Variants in RBFOX1 observed in about 807,000 individuals in gnomAD.
RBFOX1 encodes the protein RNA binding protein fox-1 homolog 1.
A neutral mutation model predicts 57.7 loss-of-function variants in RBFOX1; 8 were observed. The ratio of observed to expected loss-of-function variants is 0.14; its 90% CI spans 0.08 to 0.25. The LOEUF is 0.25. Among genes scored for constraint, RBFOX1 ranks in the 10% least tolerant of loss-of-function variants. RBFOX1 has a pLI of 1.00. For missense variants in RBFOX1, 611 were observed against 548.5 expected (o/e 1.11, Z -1.14); for synonymous variants, 326 against 222.4 (o/e 1.47, Z -4.15).
intron 4 of RBFOX1, among the ~76,000 whole-genome samples, chr16:7,085,021 C>G (rs929571526): frequency 6.6e-6 from 1 of 152,102 alleles, no homozygotes; most frequent in Non-Finnish European, 1.5e-5. Context: ...ATGTCAGTGT[C>G]TTACTCAGAA....
At chr16:7,652,630 ACTC>A (rs1170786888) in intron 11 of RBFOX1, among the ~76,000 whole-genome samples, 1 of 151,924 alleles carries the variant, frequency 6.6e-6, no homozygotes. Flanking sequence ...CTGGTCTCGA[ACTC>A]CTGACCTCAT....
At chr16:6,035,455 A>G (rs1301313722) in intron 1 of RBFOX1, among the ~76,000 whole-genome samples, 1 of 152,164 alleles carries the variant, frequency 6.6e-6, no homozygotes. Flanking sequence ...GCCCAACAAG[A>G]CTTTGTCTTT....
chr16:5,559,165 C>CAAAA (rs35531242), intron 2 of RBFOX1, among the ~76,000 whole-genome samples: 19 of 65,366 alleles, frequency 2.9e-4, no homozygotes, highest in East Asian at 4.4e-4. Context: ...CCCCCCCAGG[C>CAAAA]AAAAAAAAAA....
At chr16:7,017,049 CT>C (rs1184790959) in intron 3 of RBFOX1, among the ~76,000 whole-genome samples, 1 of 152,076 alleles carries the variant, frequency 6.6e-6, no homozygotes, top group East Asian at 1.9e-4. Flanking sequence ...GCCTCTTTCT[CT>C]TTTTTTATTG....
chr16:7,524,831 C>G (rs2152301500), intron 5 of RBFOX1, among the ~76,000 whole-genome samples: 1 of 152,262 alleles, frequency 6.6e-6, no homozygotes, highest in Middle Eastern at 3.4e-3. Flanking sequence ...CTTTCCATGC[C>G]AGTTCTGATT....
chr16:7,602,369 C>T lies in RBFOX1; in HGVS notation c.623-4916C>T, dbSNP rs2095072618. 2.0e-5 allele frequency among the ~76,000 whole-genome samples: 3 copies of T among 152,086 alleles called. No individual in the cohort carries two copies. The South Asian group carries it at 6.2e-4, about 32-fold the overall frequency. On this transcript the variant is annotated intron_variant, in intron 9 of 15. Coordinates refer to ENST00000550418, the MANE Select transcript of RBFOX1 (RefSeq NM_018723.4). Reference sequence around the variant, plus strand: ...AGACGTCTGTTCTCTGGCTCCATTGCCTTGTTGTGGGGCTGGGGGGGCCCT... The same window carrying T: ...AGACGTCTGTTCTCTGGCTCCATTGTCTTGTTGTGGGGCTGGGGGGGCCCT...
At chr16:5,631,632 C>T (rs74004438) in intron 3 of RBFOX1, among the ~76,000 whole-genome samples, 2 of 152,054 alleles carry the variant, frequency 1.3e-5, no homozygotes, top group Non-Finnish European at 2.9e-5. Flanking sequence ...ATTGCAGACT[C>T]CTTTGCCCTT....
chr16:6,592,933 C>T (rs1167007406), intron 2 of RBFOX1, among the ~76,000 whole-genome samples: 1 of 152,112 alleles, frequency 6.6e-6, no homozygotes. Context: ...TGGCTCATGC[C>T]TGTAATCCCA....
chr16:7,702,008 G>T (rs539100960), intron 14 of RBFOX1, among the ~76,000 whole-genome samples: 14 of 152,140 alleles, frequency 9.2e-5, no homozygotes, highest in African/African-American at 3.4e-4. Flanking sequence ...GGCACCTGTT[G>T]TCTCTCCATG....
At chr16:5,840,235 G>C (rs986975965) in intron 3 of RBFOX1, among the ~76,000 whole-genome samples, 1 of 152,182 alleles carries the variant, frequency 6.6e-6, no homozygotes, top group Non-Finnish European at 1.5e-5. Flanking sequence ...CTCAGTCTCA[G>C]CCTTATCTTG....
intron 3 of RBFOX1, among the ~76,000 whole-genome samples, chr16:6,809,940 G>A (rs924754509): frequency 4.6e-5 from 7 of 151,752 alleles, no homozygotes; most frequent in Non-Finnish European, 7.4e-5. Context: ...GAGCCTACCC[G>A]CTTGTCCTGA....
At chr16:7,191,188 C>T (rs1009092907) in intron 4 of RBFOX1, among the ~76,000 whole-genome samples, 2 of 152,114 alleles carry the variant, frequency 1.3e-5, no homozygotes, top group Non-Finnish European at 2.9e-5. Flanking sequence ...CTTTCAACCC[C>T]TCTCATTTTT....
intron 4 of RBFOX1, among the ~76,000 whole-genome samples, chr16:7,225,198 A>C (rs2093015447): frequency 1.3e-5 from 2 of 152,166 alleles, no homozygotes; most frequent in African/African-American, 4.8e-5. Context: ...TTGTAAGTGC[A>C]CGTGATCTCC....
chr16:6,760,856 C>A (rs1056745059), intron 3 of RBFOX1, among the ~76,000 whole-genome samples: 1 of 152,110 alleles, frequency 6.6e-6, no homozygotes, highest in African/African-American at 2.4e-5. Flanking sequence ...AGTGGCGCTG[C>A]CTCTGGTCAA....
intron 5 of RBFOX1, among the ~76,000 whole-genome samples, chr16:7,521,174 C>A (rs1427721487): frequency 6.6e-6 from 1 of 152,124 alleles, no homozygotes; most frequent in Non-Finnish European, 1.5e-5. Context: ...GAGGGAATAC[C>A]ACAGTCAGAG....
intron 1 of RBFOX1, among the ~76,000 whole-genome samples, chr16:5,401,741 T>TTC (rs891696493): frequency 4.5e-5 from 6 of 132,104 alleles, no homozygotes; most frequent in South Asian, 2.3e-4. Context: ...CTGTCTCTTT[T>TTC]TCTCTCTCTC....
At chr16:6,231,315 G>C (rs1462673533) in intron 1 of RBFOX1, among the ~76,000 whole-genome samples, 1 of 151,562 alleles carries the variant, frequency 6.6e-6, no homozygotes, top group Non-Finnish European at 1.5e-5. Flanking sequence ...TATGTTGAAA[G>C]ATGAAGGTTA....
intron 2 of RBFOX1, among the ~76,000 whole-genome samples, chr16:5,520,630 TA>T (rs1454474037): frequency 6.6e-6 from 1 of 152,224 alleles, no homozygotes; most frequent in African/African-American, 2.4e-5. Flanking sequence ...TGGTAGATTA[TA>T]TTCTTGATCA....
At chr16:5,913,048 C>A (rs1056082950) in intron 4 of RBFOX1, among the ~76,000 whole-genome samples, 1 of 152,164 alleles carries the variant, frequency 6.6e-6, no homozygotes, top group African/African-American at 2.4e-5. Context: ...CATTGCCAAG[C>A]GTGTGACCTT....
Sources: gnomAD v4.1 joint callset for allele counts (sites outside exome capture counted in the v4.1 genomes callset) on GRCh38, gnomAD v4.1.1 for gene constraint, MANE v1.5 for transcripts, NCBI Gene and HGNC (gene_info 2026-07-23, HGNC 2026-07-21) for gene names.